The following VPS13A variants were observed in gnomAD, a reference collection of about 807,000 sequenced individuals.
The protein encoded by VPS13A is vacuolar protein sorting 13 homolog A.
In VPS13A, 264 loss-of-function variants were observed where a neutral mutation model predicts 390.9. The observed-to-expected ratio is 0.68, with a 90% CI of 0.61 to 0.75. The LOEUF is 0.75. Ranked by LOEUF, VPS13A falls within the 30% of genes least tolerant of loss-of-function variation. The pLI is 0.00. For synonymous variants in VPS13A, 1,231 were observed against 1,227.1 expected (o/e 1.00, Z -0.07); for missense variants, 3,409 against 3,733.9 (o/e 0.91, Z 2.27).
chr9:77,314,879 C>T (rs7855014), intron 37 of VPS13A, among the ~76,000 whole-genome samples: 9 of 151,930 alleles, frequency 5.9e-5, no homozygotes, highest in Non-Finnish European at 1.3e-4. Context: ...GGTTGAGTAA[C>T]TAGAAATAAT....
intron 1 of VPS13A, among the ~76,000 whole-genome samples, chr9:77,181,478 T>C (rs1179205214): frequency 7.0e-6 from 1 of 143,796 alleles, no homozygotes; most frequent in Non-Finnish European, 1.5e-5. Flanking sequence ...ATCACACCAT[T>C]GCCCTCTAGC....
chr9:77,378,858 C>T (rs150498751), intron 67 of VPS13A, among the ~76,000 whole-genome samples: 1,793 of 152,014 alleles, frequency 0.012, 48 homozygotes, highest in African/African-American at 0.041. Context: ...GTCTTTGCTG[C>T]ATCTTATAAG....
chr9:77,194,368 G>GGA (rs1206300469), intron 1 of VPS13A, among the ~76,000 whole-genome samples: 1 of 151,856 alleles, frequency 6.6e-6, no homozygotes, highest in Non-Finnish European at 1.5e-5. Flanking sequence ...GGTTGGGGGG[G>GGA]GCGCTCAAAT....
intron 68 of VPS13A, among the ~76,000 whole-genome samples, chr9:77,393,499 C>G (rs1195229348): frequency 6.6e-6 from 1 of 152,200 alleles, no homozygotes; most frequent in African/African-American, 2.4e-5. Flanking sequence ...TCAGAAGAAT[C>G]ACTCCCTGTG....
intron 67 of VPS13A, among the ~76,000 whole-genome samples, chr9:77,378,781 TA>T (rs1359828471): frequency 2.0e-5 from 3 of 152,118 alleles, no homozygotes; most frequent in Non-Finnish European, 2.9e-5. Flanking sequence ...TGTGAAGTTA[TA>T]TTATTGATTT....
chr9:77,331,644 C>T (rs1202199455), intron 45 of VPS13A, among the ~76,000 whole-genome samples: 1 of 151,884 alleles, frequency 6.6e-6, no homozygotes, highest in Non-Finnish European at 1.5e-5. Flanking sequence ...TGTAGATTGT[C>T]ACTTTTATCA....
In VPS13A at chr9:77,302,919, C is replaced by T. The variant is rs756096368; in HGVS notation, c.3817C>T (p.Arg1273Ter). Residue 1273 changes from arginine to a stop codon, truncating the protein, a stop_gained, in exon 34 of 72, where the codon CGA (arginine) becomes TGA (stop). Coordinates refer to ENST00000360280, the MANE Select transcript of VPS13A (RefSeq NM_033305.3). LOFTEE classifies it high-confidence loss of function. The stretch of plus-strand genomic sequence containing the variant: ...GAATGTTATCTCTACTTATAGATCT[C>T]GATTTATTAATGATGCATACCAGGA... ...KLSEMRLYRS[R>*]FINDAYQEVL... The T allele has an allele frequency of 4.3e-6, 7 of 1,612,892 alleles. No homozygotes were observed. The highest frequency in any genetic ancestry group is 5.1e-6 in the Non-Finnish European group (6 of 1,179,100).
At chr9:77,207,238 TATATATATATATATAA>T (rs199744329) in intron 5 of VPS13A, among the ~76,000 whole-genome samples, 3 of 81,420 alleles carry the variant, frequency 3.7e-5, no homozygotes, top group East Asian at 5.6e-4. Flanking sequence ...TATATATATA[TATATATATATATATAA>T]AACGTGTTAT....
intron 5 of VPS13A, among the ~76,000 whole-genome samples, chr9:77,207,043 T>C (rs1252614716): frequency 6.7e-6 from 1 of 150,190 alleles, no homozygotes; most frequent in African/African-American, 2.4e-5. Context: ...GGCCTTTTCT[T>C]TTTAAAAATT....
intron 68 of VPS13A, among the ~76,000 whole-genome samples, chr9:77,391,788 A>G (rs1053817347): frequency 2.0e-5 from 3 of 152,290 alleles, no homozygotes; most frequent in Middle Eastern, 3.4e-3. Context: ...AAATATATGG[A>G]TAGATATAGA....
intron 45 of VPS13A, among the ~76,000 whole-genome samples, chr9:77,328,767 G>A (rs1175452322): frequency 2.0e-5 from 3 of 152,144 alleles, no homozygotes; most frequent in African/African-American, 7.2e-5. Flanking sequence ...GAGAGTTAGG[G>A]CCTATCTTAG....
intron 22 of VPS13A, among the ~76,000 whole-genome samples, chr9:77,256,285 C>A (rs1825439387): frequency 6.6e-6 from 1 of 152,034 alleles, no homozygotes; most frequent in Non-Finnish European, 1.5e-5. Context: ...AATTTCTATA[C>A]ACTTGTGACT....
chr9:77,390,559 A>G (rs1039440563), intron 68 of VPS13A, among the ~76,000 whole-genome samples: 1 of 152,272 alleles, frequency 6.6e-6, no homozygotes, highest in African/African-American at 2.4e-5. Context: ...TCTGGTGGTG[A>G]TGATTCCACT....
intron 23 of VPS13A, among the ~76,000 whole-genome samples, chr9:77,267,075 A>G (rs577526585): frequency 1.3e-5 from 2 of 151,978 alleles, no homozygotes; most frequent in East Asian, 3.9e-4. Context: ...ACCTTTTTTC[A>G]ACACTCTTAG....
intron 69 of VPS13A, among the ~76,000 whole-genome samples, chr9:77,403,993 C>G (rs1035662953): frequency 6.6e-6 from 1 of 152,126 alleles, no homozygotes; most frequent in Non-Finnish European, 1.5e-5. Context: ...GTTATATGAG[C>G]ATTGTGTTGG....
chr9:77,195,072 T>A (rs1824908155), intron 1 of VPS13A, among the ~76,000 whole-genome samples: 1 of 152,194 alleles, frequency 6.6e-6, no homozygotes, highest in Admixed American at 6.5e-5. Context: ...ACTTTCTCCC[T>A]ATGCTTTATT....
intron 62 of VPS13A, 57 bp downstream of exon 62, chr9:77,368,193 T>C: frequency 3.6e-6 from 5 of 1,385,448 alleles, no homozygotes; most frequent in Non-Finnish European, 5.1e-6. Context: ...TAAAACCTTT[T>C]GTGTCTATAC....
intron 70 of VPS13A, among the ~76,000 whole-genome samples, chr9:77,406,710 C>A (rs1186922194): frequency 6.6e-6 from 1 of 150,826 alleles, no homozygotes; most frequent in Non-Finnish European, 1.5e-5. Flanking sequence ...AGCCACTGGA[C>A]CCAGCCTCAT....
At chr9:77,348,223 C>G (rs573488772) in intron 52 of VPS13A, among the ~76,000 whole-genome samples, 4 of 152,208 alleles carry the variant, frequency 2.6e-5, no homozygotes, top group East Asian at 1.9e-4. Flanking sequence ...GGAATCAACC[C>G]AAATGCCCAT....
Sources: allele counts gnomAD v4.1 joint callset (sites outside exome capture counted in the v4.1 genomes callset), GRCh38; gene constraint gnomAD v4.1.1; transcripts MANE v1.5; gene names NCBI Gene and HGNC (gene_info 2026-07-23, HGNC 2026-07-21).